MCM6: variants seen among roughly 807,000 people sequenced by gnomAD.
MCM6 encodes minichromosome maintenance complex component 6.
In MCM6, 46 loss-of-function variants were observed where a neutral mutation model predicts 94.3. That is an observed-to-expected ratio of 0.49 (90% CI 0.39 to 0.62). The LOEUF (loss-of-function observed/expected upper bound fraction) is 0.62. Among genes scored for constraint, MCM6 ranks in the 20% least tolerant of loss-of-function variants. The pLI, the probability that MCM6 is intolerant of heterozygous loss-of-function variation, is 0.00. For synonymous variants in MCM6, 335 were observed against 351.9 expected (o/e 0.95, Z 0.54); for missense variants, 865 against 1,017.9 (o/e 0.85, Z 2.04).
At chr2:135,843,730 C>CAAAAA (rs55634938) in intron 16 of MCM6, among the ~76,000 whole-genome samples, 1 of 90,920 alleles carries the variant, frequency 1.1e-5, no homozygotes, top group African/African-American at 3.8e-5. Flanking sequence ...AACTCTGTCT[C>CAAAAA]AAAAAAAAAA....
chr2:135,856,776 G>A lies in MCM6; in HGVS notation c.1578C>T (p.Ile526=). Residue 526 remains isoleucine (I), a synonymous_variant, in exon 11 of 17, where the codon ATC becomes ATT. Coordinates refer to ENST00000264156, the MANE Select transcript of MCM6 (RefSeq NM_005915.6). ...LKQNINLSAP[I]MSRFDLFFIL... ...TAAAGAAGAGATCGAATCGGGACAT[G>A]ATGGGAGCTGACAAATTTATATTCT... The A allele has an allele frequency of 6.2e-7, 1 of 1,614,188 alleles. No homozygotes were observed. The highest frequency in any genetic ancestry group is 8.5e-7 in the Non-Finnish European group (1 of 1,180,030).
chr2:135,843,933 T>C (rs937007897), intron 16 of MCM6, among the ~76,000 whole-genome samples: 5 of 151,912 alleles, frequency 3.3e-5, no homozygotes, highest in African/African-American at 7.3e-5. Flanking sequence ...AGGTATGTGA[T>C]GGGCCTGTGA....
At chr2:135,852,717 T>C (rs1391751049) in intron 12 of MCM6, 70 bp downstream of exon 12, 2 of 1,122,252 alleles carry the variant, frequency 1.8e-6, no homozygotes, top group African/African-American at 3.2e-5. Flanking sequence ...AATTTCCATA[T>C]AACACACTTA....
At chr2:135,856,673 C>G (rs1237830633) in intron 11 of MCM6, 55 bp downstream of exon 11, 1 of 1,572,166 alleles carries the variant, frequency 6.4e-7, no homozygotes, top group African/African-American at 1.4e-5. Flanking sequence ...ATCTTCCAGC[C>G]TTGTCTCACT....
chr2:135,851,492 C>A lies in MCM6; in HGVS notation c.1827G>T (p.Val609=). 1 of 1,613,742 alleles carries A rather than the reference C, an allele frequency of 6.2e-7. No homozygotes were observed. The highest frequency in any genetic ancestry group is 1.1e-5 in the South Asian group (1 of 90,978). Reference sequence around the variant, plus strand: ...CTGTAATCCTCCATGAAGACTTGGTCACTCCAGAACCATCTCTCTGGCGGA... The same window carrying A: ...CTGTAATCCTCCATGAAGACTTGGTAACTCCAGAACCATCTCTCTGGCGGA... The part of the protein sequence containing the change: ...KHLRQRDGSG[V]TKSSWRITVR... The change falls in exon 13 of 17, where the codon GTG becomes GTT. Residue 609 remains valine (V), a synonymous_variant. Transcript: ENST00000264156.
intron 10 of MCM6, 26 bp from the exon 11 acceptor site, chr2:135,856,909 C>A: frequency 6.3e-7 from 1 of 1,599,730 alleles, no homozygotes; most frequent in Admixed American, 1.8e-5. Context: ...AGAATCTTAA[C>A]AGATTTAAAT....
chr2:135,861,384 A>G (rs1020902670), intron 8 of MCM6, among the ~76,000 whole-genome samples: 1 of 152,192 alleles, frequency 6.6e-6, no homozygotes, highest in Admixed American at 6.5e-5. Flanking sequence ...AATAATACAC[A>G]TGCCTGTCTG....
chr2:135,864,874 T>G (rs912119925), intron 7 of MCM6, 139 bp downstream of exon 7: 1 of 501,304 alleles, frequency 2.0e-6, no homozygotes, highest in Non-Finnish European at 3.3e-6. Context: ...ATCATGTACC[T>G]GTCCTTTTGT....
intron 14 of MCM6, among the ~76,000 whole-genome samples, chr2:135,846,939 G>A (rs923668990): frequency 6.6e-6 from 1 of 151,944 alleles, no homozygotes; most frequent in Non-Finnish European, 1.5e-5. Flanking sequence ...GGGAGGCAAA[G>A]GTTGCAGTGA....
intron 6 of MCM6, among the ~76,000 whole-genome samples, chr2:135,865,692 T>C (rs961499330): frequency 6.6e-5 from 10 of 152,202 alleles, no homozygotes; most frequent in African/African-American, 1.4e-4. Context: ...CTTAAAAGCA[T>C]TGAGCTTTTA....
At chr2:135,874,001 G>C (rs1011408502) in intron 1 of MCM6, among the ~76,000 whole-genome samples, 1 of 152,194 alleles carries the variant, frequency 6.6e-6, no homozygotes, top group Non-Finnish European at 1.5e-5. Flanking sequence ...GATGACTGGG[G>C]TGTTTTTGTA....
At chr2:135,870,507 T>A (rs754493788) in intron 2 of MCM6, 146 bp from the exon 3 acceptor site, 4 of 578,796 alleles carry the variant, frequency 6.9e-6, no homozygotes, top group Non-Finnish European at 1.2e-5. Flanking sequence ...TTCTATTATC[T>A]ACTCTAGGTT....
chr2:135,865,494 C>G (rs1680078232), intron 6 of MCM6, among the ~76,000 whole-genome samples: 1 of 152,172 alleles, frequency 6.6e-6, no homozygotes, highest in Non-Finnish European at 1.5e-5. Flanking sequence ...CAATACTGAA[C>G]TATTTTCCAA....
chr2:135,852,690 A>G (rs1679799190), intron 12 of MCM6, 97 bp downstream of exon 12: 3 of 877,064 alleles, frequency 3.4e-6, no homozygotes, highest in Non-Finnish European at 3.1e-6. Context: ...GAACTAAGGT[A>G]GATGACAGGT....
At chr2:135,844,500 C>T in intron 16 of MCM6, 45 bp downstream of exon 16, 2 of 1,400,014 alleles carry the variant, frequency 1.4e-6, no homozygotes, top group South Asian at 3.9e-5. Flanking sequence ...AGGGCATGAA[C>T]TCCCTCCCTC....
At chr2:135,854,643 T>C (rs367671019) in intron 11 of MCM6, among the ~76,000 whole-genome samples, 15 of 147,656 alleles carry the variant, frequency 1.0e-4, no homozygotes, top group East Asian at 8.1e-4. Flanking sequence ...GAAGCTGAGG[T>C]GGGCAGACTG....
intron 6 of MCM6, among the ~76,000 whole-genome samples, 176 bp from the exon 7 acceptor site, chr2:135,865,339 G>C (rs1343511256): frequency 6.6e-6 from 1 of 151,986 alleles, no homozygotes; most frequent in Non-Finnish European, 1.5e-5. Flanking sequence ...AGTTAACAAA[G>C]ACACTTAAGG....
At chr2:135,847,969 C>G (rs1050528658) in intron 14 of MCM6, 84 bp downstream of exon 14, 8 of 995,160 alleles carry the variant, frequency 8.0e-6, no homozygotes, top group Admixed American at 4.0e-5. Flanking sequence ...TATTAGCCAA[C>G]AGCAGGTGTA....
intron 1 of MCM6, among the ~76,000 whole-genome samples, chr2:135,874,261 G>C (rs1680255902): frequency 6.6e-6 from 1 of 152,214 alleles, no homozygotes; most frequent in African/African-American, 2.4e-5. Flanking sequence ...TTGAATTCCA[G>C]ACTAAGTAGC....
Sources: gnomAD v4.1 joint callset for allele counts (sites outside exome capture counted in the v4.1 genomes callset) on GRCh38, gnomAD v4.1.1 for gene constraint, MANE v1.5 for transcripts, NCBI Gene and HGNC (gene_info 2026-07-23, HGNC 2026-07-21) for gene names.